LRRTM4: variants seen among roughly 807,000 people sequenced by gnomAD.
LRRTM4 encodes the protein leucine rich repeat transmembrane neuronal 4, also known as leucine-rich repeat transmembrane neuronal protein 4.
Under a neutral mutation model 47.6 loss-of-function variants are expected in LRRTM4, and 25 were observed. The ratio of observed to expected loss-of-function variants is 0.53; its 90% CI spans 0.38 to 0.73. The LOEUF (loss-of-function observed/expected upper bound fraction) is 0.73. LRRTM4 is among the 30% of genes least tolerant of loss of function. The pLI, the probability that LRRTM4 is intolerant of heterozygous loss-of-function variation, is 0.00. For missense variants in LRRTM4, 638 were observed against 713.4 expected, an observed-to-expected ratio of 0.89 and a Z score of 1.20; for synonymous variants, 311 against 269.5, an observed-to-expected ratio of 1.15 and a Z score of -1.51.
chr2:76,986,162 G>A (rs1430296762), intron 3 of LRRTM4, among the ~76,000 whole-genome samples: 1 of 150,018 alleles, frequency 6.7e-6, no homozygotes, highest in Non-Finnish European at 1.5e-5. Context: ...TTTTTGAGAT[G>A]TTCCTTCTGA....
intron 3 of LRRTM4, among the ~76,000 whole-genome samples, chr2:76,806,782 C>A (rs569368450): frequency 7.9e-5 from 12 of 151,810 alleles, no homozygotes; most frequent in African/African-American, 2.9e-4. Flanking sequence ...ATCAATCTAC[C>A]AGCTTATATG....
chr2:76,917,260 C>G (rs1227606917), intron 3 of LRRTM4, among the ~76,000 whole-genome samples: 1 of 152,146 alleles, frequency 6.6e-6, no homozygotes, highest in Non-Finnish European at 1.5e-5. Context: ...TTGACTGGGC[C>G]TGTGGAGTGT....
At chr2:76,774,383 G>A (rs927943641) in intron 3 of LRRTM4, among the ~76,000 whole-genome samples, 1 of 151,786 alleles carries the variant, frequency 6.6e-6, no homozygotes, top group Non-Finnish European at 1.5e-5. Context: ...GTAGAGAAGG[G>A]GTTTCACCAT....
intron 3 of LRRTM4, among the ~76,000 whole-genome samples, chr2:76,782,982 CTTTT>C (rs1674482533): frequency 6.6e-6 from 1 of 151,868 alleles, no homozygotes; most frequent in South Asian, 2.1e-4. Flanking sequence ...TTAAAAATTC[CTTTT>C]AATCTTTATT....
At chr2:77,392,664 A>G (rs1488440475) in intron 3 of LRRTM4, among the ~76,000 whole-genome samples, 1 of 152,016 alleles carries the variant, frequency 6.6e-6, no homozygotes, top group Non-Finnish European at 1.5e-5. Context: ...GTGGAATGTA[A>G]TAAGTTTGAG....
At chr2:77,086,687 G>T (rs1680728379) in intron 3 of LRRTM4, among the ~76,000 whole-genome samples, 1 of 151,842 alleles carries the variant, frequency 6.6e-6, no homozygotes, top group Non-Finnish European at 1.5e-5. Flanking sequence ...TAGAGACGGG[G>T]TTTCACCACA....
At chr2:77,083,809 T>G (rs1210455316) in intron 3 of LRRTM4, among the ~76,000 whole-genome samples, 11 of 117,596 alleles carry the variant, frequency 9.4e-5, no homozygotes, top group Admixed American at 2.6e-4. Context: ...TTTTTTTTTT[T>G]TTTTTTTTTT....
intron 3 of LRRTM4, among the ~76,000 whole-genome samples, chr2:76,790,859 T>C (rs780388403): frequency 4.6e-5 from 7 of 152,150 alleles, no homozygotes; most frequent in Non-Finnish European, 8.8e-5. Context: ...GAAAACATGA[T>C]GTAGGCAATG....
intron 3 of LRRTM4, among the ~76,000 whole-genome samples, chr2:76,854,100 C>A (rs1470591541): frequency 6.6e-6 from 1 of 152,110 alleles, no homozygotes; most frequent in Non-Finnish European, 1.5e-5. Flanking sequence ...TCTTTCCTGG[C>A]AACGAATTCT....
chr2:77,517,888 A>G, intron 3 of LRRTM4: 1 of 988,230 alleles, frequency 1.0e-6, no homozygotes, highest in Non-Finnish European at 1.2e-6. Flanking sequence ...TTAAATCTTC[A>G]TTACCTTCTG....
At chr2:77,464,849 A>C (rs908914963) in intron 3 of LRRTM4, among the ~76,000 whole-genome samples, 3 of 152,186 alleles carry the variant, frequency 2.0e-5, no homozygotes, top group African/African-American at 7.2e-5. Flanking sequence ...GGCAATAAAA[A>C]TCAGCATTGT....
intron 3 of LRRTM4, among the ~76,000 whole-genome samples, chr2:76,885,877 T>G (rs1673061399): frequency 6.6e-6 from 1 of 152,096 alleles, no homozygotes; most frequent in Non-Finnish European, 1.5e-5. Context: ...CTTTAAGTTT[T>G]CCAGATCATA....
chr2:77,160,880 T>C (rs1219779236), intron 3 of LRRTM4, among the ~76,000 whole-genome samples: 1 of 152,194 alleles, frequency 6.6e-6, no homozygotes, highest in African/African-American at 2.4e-5. Context: ...CATGCATGAT[T>C]GCTTGCACAT....
chr2:77,308,506 G>T (rs938695853), intron 3 of LRRTM4, among the ~76,000 whole-genome samples: 1 of 151,988 alleles, frequency 6.6e-6, no homozygotes, highest in Non-Finnish European at 1.5e-5. Context: ...TTCCTCATGT[G>T]AGTTTTGTAG....
chr2:77,113,810 G>A (rs1456657025), intron 3 of LRRTM4, among the ~76,000 whole-genome samples: 2 of 152,092 alleles, frequency 1.3e-5, no homozygotes, highest in African/African-American at 4.8e-5. Context: ...CAGAATTATA[G>A]GTGAATTGTA....
At chr2:76,978,230 G>A (rs997848619) in intron 3 of LRRTM4, among the ~76,000 whole-genome samples, 2 of 151,986 alleles carry the variant, frequency 1.3e-5, no homozygotes, top group Admixed American at 6.6e-5. Flanking sequence ...GACTCAGAGG[G>A]CAAGTTTCTT....
At chr2:77,365,168 A>T (rs1355395889) in intron 3 of LRRTM4, among the ~76,000 whole-genome samples, 1 of 152,086 alleles carries the variant, frequency 6.6e-6, no homozygotes, top group Non-Finnish European at 1.5e-5. Flanking sequence ...ACTCTTACAC[A>T]TAAAAATAGC....
At chr2:77,056,758 A>G (rs1415551400) in intron 3 of LRRTM4, among the ~76,000 whole-genome samples, 1 of 152,180 alleles carries the variant, frequency 6.6e-6, no homozygotes, top group East Asian at 1.9e-4. Context: ...AATTCAAAGC[A>G]TCTTTTTTCC....
intron 3 of LRRTM4, among the ~76,000 whole-genome samples, chr2:76,948,173 A>T (rs2103879347): frequency 6.6e-6 from 1 of 152,006 alleles, no homozygotes; most frequent in South Asian, 2.1e-4. Flanking sequence ...ATGACAAAAA[A>T]AGTAGGACTG....
Sources: allele counts gnomAD v4.1 joint callset (sites outside exome capture counted in the v4.1 genomes callset), GRCh38; gene constraint gnomAD v4.1.1; transcripts MANE v1.5; gene names NCBI Gene and HGNC (gene_info 2026-07-23, HGNC 2026-07-21).